Variants in ASTN1 observed in about 807,000 individuals in gnomAD.
ASTN1 encodes astrotactin 1, also known as astrotactin-1.
Under a neutral mutation model 140.7 loss-of-function variants are expected in ASTN1, and 41 were observed. That is an observed-to-expected ratio of 0.29 (90% confidence interval 0.23 to 0.38). ASTN1 has a LOEUF of 0.38. ASTN1 is among the 10% of genes least tolerant of loss of function. The pLI is 1.00. For synonymous variants in ASTN1, 640 were observed against 652.2 expected (o/e 0.98, Z 0.29); for missense variants, 1,479 against 1,678.8 (o/e 0.88, Z 2.08).
intron 8 of ASTN1, among the ~76,000 whole-genome samples, chr1:176,974,416 C>T (rs1428533236): frequency 1.3e-5 from 2 of 148,588 alleles, no homozygotes; most frequent in South Asian, 2.1e-4. Flanking sequence ...GATGGAGTCT[C>T]GCTCTGTTGC....
chr1:176,889,091 G>A (rs370966005), intron 17 of ASTN1, among the ~76,000 whole-genome samples: 1 of 152,204 alleles, frequency 6.6e-6, no homozygotes. Context: ...TTCTTTACAT[G>A]CAGAGGGTTC....
intron 12 of ASTN1, among the ~76,000 whole-genome samples, chr1:176,948,633 G>A (rs1253529859): frequency 1.3e-5 from 2 of 152,142 alleles, no homozygotes; most frequent in Non-Finnish European, 2.9e-5. Context: ...ATGAACTGAG[G>A]TGGGTGGGAG....
At chr1:177,033,573 T>C (rs911680284) in intron 2 of ASTN1, among the ~76,000 whole-genome samples, 1 of 152,236 alleles carries the variant, frequency 6.6e-6, no homozygotes, top group African/African-American at 2.4e-5. Context: ...ATCAGGAATT[T>C]ACCACCAAGT....
intron 1 of ASTN1, among the ~76,000 whole-genome samples, chr1:177,087,857 T>C (rs2102094036): frequency 6.6e-6 from 1 of 152,316 alleles, no homozygotes; most frequent in East Asian, 1.9e-4. Flanking sequence ...AGTCTTCATT[T>C]TCACCTCACT....
chr1:176,931,268 A>T (rs943158459), intron 16 of ASTN1, among the ~76,000 whole-genome samples: 7 of 152,246 alleles, frequency 4.6e-5, no homozygotes, highest in African/African-American at 1.7e-4. Context: ...GGAGTTCGAG[A>T]CCAGTCTGAT....
At chr1:176,924,090 A>G (rs1670853642) in intron 16 of ASTN1, among the ~76,000 whole-genome samples, 2 of 152,190 alleles carry the variant, frequency 1.3e-5, no homozygotes, top group Non-Finnish European at 2.9e-5. Context: ...ATTGAGCTAC[A>G]TGTTGGATAA....
At chr1:177,158,409 A>C (rs1190743237) in intron 1 of ASTN1, among the ~76,000 whole-genome samples, 1 of 152,184 alleles carries the variant, frequency 6.6e-6, no homozygotes, top group Admixed American at 6.5e-5. Flanking sequence ...GATAGGTGTC[A>C]ATTTGTATAG....
Position 176,862,041 on chromosome 1 carries a change from T to C in ASTN1, c.*2243A>G. 1.0e-6 allele frequency: 1 copy of C among 985,346 alleles called. No homozygotes were observed. The highest frequency in any genetic ancestry group is 1.7e-5 in the African/African-American group (1 of 57,322). 61.0% of individuals were successfully genotyped at this position (985,346 alleles called of 1,614,324 possible). On this transcript the variant is annotated 3_prime_UTR_variant, in exon 23 of 23. Coordinates refer to ENST00000361833, the MANE Select transcript of ASTN1 (RefSeq NM_004319.3). ...TAAAACACCGTGTTCTGCACAGATATGAATAGAAGGATGGCAAAACAGTAG... is the reference window on the plus strand; with the variant it reads ...TAAAACACCGTGTTCTGCACAGATACGAATAGAAGGATGGCAAAACAGTAG...
Position 176,896,154 on chromosome 1 carries a change from C to T in ASTN1, c.2672-1324G>A, listed in dbSNP as rs1669494202. Among the ~76,000 whole-genome samples, 4 of 152,074 alleles carry T rather than the reference C, an allele frequency of 2.6e-5. No individual in the cohort carries two copies. The South Asian group carries it at 6.2e-4, about 24-fold the overall frequency. On this transcript the variant is annotated intron_variant, in intron 16 of 22. Transcript: ENST00000361833. ...TATGTAATATGAGCCCATTTAGAAACATCACGAGGCATTTCAGCATTGTTG... is the reference window on the plus strand; with the variant it reads ...TATGTAATATGAGCCCATTTAGAAATATCACGAGGCATTTCAGCATTGTTG...
In ASTN1 at chr1:176,998,550, G is replaced by A. The variant is rs569105771; in HGVS notation, c.1523+16241C>T. Among the ~76,000 whole-genome samples, 23 of 150,520 alleles carry A rather than the reference G, an allele frequency of 1.5e-4. No individual in the cohort carries two copies. In the South Asian group the frequency reaches 3.2e-3, roughly 21 times the overall value. On this transcript the variant is annotated intron_variant, in intron 8 of 22. Transcript: ENST00000361833. ...GACCTGGGTGGAGAGGTGGGGGTGG[G>A]GAGCTCATTAAGTCACTGACAGTGG...
intron 8 of ASTN1, among the ~76,000 whole-genome samples, chr1:177,000,483 GC>G (rs1674675250): frequency 6.6e-6 from 1 of 152,158 alleles, no homozygotes; most frequent in South Asian, 2.1e-4. Flanking sequence ...GAAGAGAAGA[GC>G]CAGCAGAGAC....
At chr1:176,887,613 C>A (rs1460396272) in intron 18 of ASTN1, among the ~76,000 whole-genome samples, 2 of 152,152 alleles carry the variant, frequency 1.3e-5, no homozygotes, top group Admixed American at 6.5e-5. Context: ...ATTAAATGAG[C>A]AGTATCTAAC....
chr1:176,870,943 A>G (rs1668316993), intron 21 of ASTN1, among the ~76,000 whole-genome samples: 1 of 152,232 alleles, frequency 6.6e-6, no homozygotes, highest in South Asian at 2.1e-4. Flanking sequence ...AAATGAGAAG[A>G]TTTGGGAAAA....
intron 1 of ASTN1, among the ~76,000 whole-genome samples, chr1:177,143,664 T>G (rs558957307): frequency 3.1e-4 from 47 of 152,328 alleles, no homozygotes; most frequent in African/African-American, 1.1e-3. Flanking sequence ...GTTTTTTAAA[T>G]AAAATTTACT....
At chr1:176,895,385 G>A (rs541154584) in intron 16 of ASTN1, among the ~76,000 whole-genome samples, 60 of 152,214 alleles carry the variant, frequency 3.9e-4, no homozygotes, top group African/African-American at 1.3e-3. Flanking sequence ...TCTGCATGGC[G>A]TTCTATCATT....
rs541515820 is a variant in ASTN1 at position 176,906,115 on chromosome 1, CA to C, written c.2672-11286del. ...GCAGTTGGTTTACCTCTGGGTGCCT[CA>C]AGCTGAGAGTGACTCTGGCAGTGAG... is the stretch of plus-strand genomic sequence containing the variant. On this transcript the variant is annotated intron_variant, in intron 16 of 22. Transcript: ENST00000361833. Among the ~76,000 whole-genome samples the C allele has an allele frequency of 5.3e-3, 806 of 152,284 alleles. 3 individuals carry two copies. The highest frequency in any genetic ancestry group is 8.8e-3 in the Non-Finnish European group (599 of 68,018).
chr1:176,906,843 CA>C (rs35062067), intron 16 of ASTN1, among the ~76,000 whole-genome samples: 6,533 of 86,390 alleles, frequency 0.076, 124 homozygotes, highest in African/African-American at 0.11. Flanking sequence ...GACTCTCTCT[CA>C]AAAAAAAAAA....
chr1:177,109,159 T>C (rs1385722477), intron 1 of ASTN1, among the ~76,000 whole-genome samples: 1 of 152,152 alleles, frequency 6.6e-6, no homozygotes, highest in African/African-American at 2.4e-5. Context: ...TGAGAATATA[T>C]ATAATTTAAA....
At chr1:177,015,482 T>A (rs1006276986) in intron 7 of ASTN1, among the ~76,000 whole-genome samples, 1 of 152,196 alleles carries the variant, frequency 6.6e-6, no homozygotes, top group Non-Finnish European at 1.5e-5. Context: ...ACAGGAGGCC[T>A]CTTACATCTA....
Sources: gnomAD v4.1 joint callset for allele counts (sites outside exome capture counted in the v4.1 genomes callset) on GRCh38, gnomAD v4.1.1 for gene constraint, MANE v1.5 for transcripts, NCBI Gene and HGNC (gene_info 2026-07-23, HGNC 2026-07-21) for gene names.